The following SCAI variants were observed in gnomAD, a reference collection of about 807,000 sequenced individuals.
The protein encoded by SCAI is suppressor of cancer cell invasion, also known as protein SCAI.
A neutral mutation model predicts 92.2 loss-of-function variants in SCAI; 24 were observed. That is an observed-to-expected ratio of 0.26 (90% CI 0.19 to 0.37). SCAI has a LOEUF of 0.37. Ranked by LOEUF, SCAI falls within the 10% of genes least tolerant of loss-of-function variation. The probability of loss-of-function intolerance (pLI) is 1.00; values close to 1 mark genes in which losing one functional copy is unlikely to be tolerated. For synonymous variants in SCAI, 261 were observed against 258.6 expected, an observed-to-expected ratio of 1.01 and a Z score of -0.09; for missense variants, 450 against 736.2, an observed-to-expected ratio of 0.61 and a Z score of 4.50.
At chr9:125,121,431 C>G (rs1429104961) in intron 2 of SCAI, among the ~76,000 whole-genome samples, 1 of 151,892 alleles carries the variant, frequency 6.6e-6, no homozygotes, top group East Asian at 1.9e-4. Context: ...TTGAACACAT[C>G]CTTATGCAAA....
At chr9:124,989,860 C>T (rs1832081600) in intron 14 of SCAI, among the ~76,000 whole-genome samples, 1 of 128,856 alleles carries the variant, frequency 7.8e-6, no homozygotes, top group South Asian at 2.4e-4. Context: ...TCCAGTCTGG[C>T]TGACAGACTG....
rs977168197 is a variant in SCAI at position 125,110,248 on chromosome 9, G to A, written c.98+32385C>T. ...TAGAAAAACACAGCTGACCAAAACC[G>A]AAACAAGTGCAAATGGAAAACCTAA... On this transcript the variant is annotated intron_variant, in intron 2 of 17. Coordinates refer to ENST00000336505, the MANE Select transcript of SCAI (RefSeq NM_001144877.3). Among the ~76,000 whole-genome samples the A allele has an allele frequency of 4.6e-5, 7 of 152,252 alleles. No individual in the cohort carries two copies. The South Asian group carries it at 6.2e-4, about 14-fold the overall frequency.
chr9:125,056,786 G>A (rs568830022), intron 2 of SCAI, among the ~76,000 whole-genome samples: 1 of 152,108 alleles, frequency 6.6e-6, no homozygotes, highest in Non-Finnish European at 1.5e-5. Context: ...AAATGGTTAG[G>A]AATACTGACC....
At chr9:125,076,320 G>A (rs59736864) in intron 2 of SCAI, among the ~76,000 whole-genome samples, 2,408 of 151,262 alleles carry the variant, frequency 0.016, 71 homozygotes, top group African/African-American at 0.054. Flanking sequence ...TCAACATGGT[G>A]AGACCCCATT....
intron 2 of SCAI, among the ~76,000 whole-genome samples, chr9:125,107,201 G>C (rs887804130): frequency 3.3e-5 from 5 of 151,936 alleles, no homozygotes; most frequent in Admixed American, 6.6e-5. Flanking sequence ...ACAAGGTCAG[G>C]AGATCGAGAC....
At chr9:124,984,146 A>G (rs1831941287) in intron 14 of SCAI, among the ~76,000 whole-genome samples, 1 of 152,200 alleles carries the variant, frequency 6.6e-6, no homozygotes, top group Non-Finnish European at 1.5e-5. Flanking sequence ...TTGGAAGAGC[A>G]TTCAAGGCAG....
chr9:125,123,679 G>T (rs1052534492), intron 2 of SCAI, among the ~76,000 whole-genome samples: 1 of 152,190 alleles, frequency 6.6e-6, no homozygotes, highest in Non-Finnish European at 1.5e-5. Context: ...GGAGGCTGAG[G>T]CAGGAGAATC....
chr9:124,985,100 T>C (rs1407422808), intron 14 of SCAI, among the ~76,000 whole-genome samples: 2 of 152,140 alleles, frequency 1.3e-5, no homozygotes, highest in Admixed American at 1.3e-4. Context: ...ACTGGAATCC[T>C]CAGGGCTACA....
intron 3 of SCAI, among the ~76,000 whole-genome samples, chr9:125,043,568 C>A (rs929614678): frequency 8.5e-5 from 13 of 152,284 alleles, no homozygotes; most frequent in African/African-American, 3.1e-4. Flanking sequence ...TCAAGCAATT[C>A]TCCTGCCTCA....
At chr9:125,107,001 C>G (rs1834815625) in intron 2 of SCAI, among the ~76,000 whole-genome samples, 1 of 151,912 alleles carries the variant, frequency 6.6e-6, no homozygotes, top group Non-Finnish European at 1.5e-5. Flanking sequence ...AGATGTGAGC[C>G]ACCATGCCTG....
intron 2 of SCAI, among the ~76,000 whole-genome samples, chr9:125,107,658 C>G (rs1834828444): frequency 6.6e-6 from 1 of 152,102 alleles, no homozygotes; most frequent in Admixed American, 6.5e-5. Flanking sequence ...CCTAGCTACT[C>G]AGGAAGCTGA....
chr9:125,102,879 T>C (rs1027042914), intron 2 of SCAI, among the ~76,000 whole-genome samples: 33 of 152,020 alleles, frequency 2.2e-4, no homozygotes, highest in Non-Finnish European at 1.2e-4. Flanking sequence ...ATTACAGGCG[T>C]GAGGCACCGC....
chr9:124,985,639 G>A (rs140999968), intron 14 of SCAI, among the ~76,000 whole-genome samples: 17 of 151,868 alleles, frequency 1.1e-4, no homozygotes, highest in African/African-American at 3.9e-4. Flanking sequence ...AGGCAGAGGC[G>A]GGCAGATCAC....
intron 3 of SCAI, among the ~76,000 whole-genome samples, chr9:125,039,521 A>C (rs997009768): frequency 2.0e-5 from 3 of 152,192 alleles, no homozygotes; most frequent in African/African-American, 4.8e-5. Flanking sequence ...CTTTTGCTGC[A>C]TAACAAGCCA....
chr9:124,961,520 C>T (rs547605596), intron 17 of SCAI, among the ~76,000 whole-genome samples: 5 of 151,500 alleles, frequency 3.3e-5, no homozygotes, highest in Non-Finnish European at 5.9e-5. Flanking sequence ...CGTGGTGGCA[C>T]ACACCTGTAA....
At chr9:124,959,539 T>TATATATATATACACAC (rs2131576591) in intron 17 of SCAI, among the ~76,000 whole-genome samples, 1 of 147,014 alleles carries the variant, frequency 6.8e-6, no homozygotes, top group Admixed American at 6.8e-5. Context: ...TATACACACA[T>TATATATATATACACAC]ATATATATAT....
intron 14 of SCAI, 57 bp downstream of exon 14, chr9:124,994,877 G>T: frequency 9.1e-7 from 1 of 1,094,610 alleles, no homozygotes; most frequent in Non-Finnish European, 1.4e-6. Flanking sequence ...TTAAGAGTGG[G>T]TACCCTTGGG....
At chr9:124,988,765 T>C (rs1832049353) in intron 14 of SCAI, among the ~76,000 whole-genome samples, 1 of 151,872 alleles carries the variant, frequency 6.6e-6, no homozygotes, top group Non-Finnish European at 1.5e-5. Context: ...GAGAGAAAAA[T>C]AAATGGACTA....
intron 14 of SCAI, among the ~76,000 whole-genome samples, chr9:124,979,452 A>T (rs1831832572): frequency 6.6e-6 from 1 of 151,800 alleles, no homozygotes; most frequent in Admixed American, 6.6e-5. Context: ...AGGCAGGAGA[A>T]TTGCTAGAAC....
Sources: gnomAD v4.1 joint callset for allele counts (sites outside exome capture counted in the v4.1 genomes callset) on GRCh38, gnomAD v4.1.1 for gene constraint, MANE v1.5 for transcripts, NCBI Gene and HGNC (gene_info 2026-07-23, HGNC 2026-07-21) for gene names.